The following CSNK2A2IP variants were observed in gnomAD, a reference collection of about 807,000 sequenced individuals.
CSNK2A2IP encodes the protein casein kinase II subunit alpha'-interacting protein.
At chr3:88,428,619 T>G in the CSNK2A2IP span, among the ~76,000 whole-genome samples, 1 of 152,164 alleles carries the variant, frequency 6.6e-6, no homozygotes, top group South Asian at 2.1e-4. Flanking sequence ...TGATATCTAT[T>G]GGTAGGCCAT....
chr3:88,431,526 G>T, the CSNK2A2IP span, among the ~76,000 whole-genome samples: 1 of 152,028 alleles, frequency 6.6e-6, no homozygotes. Context: ...CAGCTGATGG[G>T]TGCACCAAAA....
chr3:88,437,648 T>C, the CSNK2A2IP span, among the ~76,000 whole-genome samples: 1 of 152,192 alleles, frequency 6.6e-6, no homozygotes, highest in Non-Finnish European at 1.5e-5. Context: ...TGAGAAATAC[T>C]AATTAAAAAA....
chr3:88,442,225 T>A, the CSNK2A2IP span, among the ~76,000 whole-genome samples: 2,560 of 152,206 alleles, frequency 0.017, 66 homozygotes, highest in African/African-American at 0.059. Context: ...TTCTTTTTAG[T>A]GACAGGGTCT....
At chr3:88,408,519 T>G in the CSNK2A2IP span, among the ~76,000 whole-genome samples, 1 of 152,056 alleles carries the variant, frequency 6.6e-6, no homozygotes, top group Non-Finnish European at 1.5e-5. Flanking sequence ...AAACTTGAAG[T>G]AGGCTTGACA....
the CSNK2A2IP span, among the ~76,000 whole-genome samples, chr3:88,418,054 G>T: frequency 6.6e-6 from 1 of 152,172 alleles, no homozygotes; most frequent in African/African-American, 2.4e-5. Flanking sequence ...ATGTGATTAT[G>T]TCTGAACATT....
At chr3:88,352,603 G>A in the CSNK2A2IP span, among the ~76,000 whole-genome samples, 1 of 151,784 alleles carries the variant, frequency 6.6e-6, no homozygotes, top group African/African-American at 2.4e-5. Flanking sequence ...TATTGAGATA[G>A]GGTCTCGCTC....
chr3:88,366,227 T>C, the CSNK2A2IP span, among the ~76,000 whole-genome samples: 1 of 152,158 alleles, frequency 6.6e-6, no homozygotes, highest in Non-Finnish European at 1.5e-5. Context: ...TTTTCATTTG[T>C]GGCCAGTTCC....
the CSNK2A2IP span, among the ~76,000 whole-genome samples, chr3:88,343,738 C>A: frequency 4.0e-5 from 6 of 151,870 alleles, no homozygotes; most frequent in Non-Finnish European, 8.8e-5. Flanking sequence ...ACACAAAAAT[C>A]TGTATGTCTT....
chr3:88,392,383 A>G, the CSNK2A2IP span, among the ~76,000 whole-genome samples: 2 of 151,746 alleles, frequency 1.3e-5, no homozygotes, highest in African/African-American at 4.9e-5. Flanking sequence ...AAGGAATTAG[A>G]TATCTATAGG....
At chr3:88,373,799 A>T in the CSNK2A2IP span, among the ~76,000 whole-genome samples, 2 of 151,536 alleles carry the variant, frequency 1.3e-5, no homozygotes, top group Non-Finnish European at 3.0e-5. Flanking sequence ...AAAATAAAAG[A>T]TGAGCTATCA....
the CSNK2A2IP span, among the ~76,000 whole-genome samples, chr3:88,398,477 A>T: frequency 6.6e-6 from 1 of 152,136 alleles, no homozygotes. Flanking sequence ...AAATCCACAC[A>T]CCAGTTAGAT....
the CSNK2A2IP span, among the ~76,000 whole-genome samples, chr3:88,423,615 G>A: frequency 6.6e-6 from 1 of 152,236 alleles, no homozygotes; most frequent in South Asian, 2.1e-4. Context: ...AAGAAAACCT[G>A]ATCAAGTTTC....
chr3:88,432,113 T>A, the CSNK2A2IP span, among the ~76,000 whole-genome samples: 1 of 152,022 alleles, frequency 6.6e-6, no homozygotes. Context: ...TTCATTTTTA[T>A]GAGATTCCTT....
the CSNK2A2IP span, among the ~76,000 whole-genome samples, chr3:88,427,180 T>G: frequency 6.8e-6 from 1 of 146,814 alleles, no homozygotes; most frequent in African/African-American, 2.7e-5. Flanking sequence ...AAGAACTTGT[T>G]GGAAACTGGA....
At chr3:88,382,091 T>C in the CSNK2A2IP span, among the ~76,000 whole-genome samples, 1 of 152,246 alleles carries the variant, frequency 6.6e-6, no homozygotes, top group African/African-American at 2.4e-5. Context: ...CCAATTTTCC[T>C]GCAGCATGAA....
At chr3:88,464,230 G>C in the CSNK2A2IP span, among the ~76,000 whole-genome samples, 4 of 151,420 alleles carry the variant, frequency 2.6e-5, no homozygotes, top group African/African-American at 9.7e-5. Context: ...GAGTTAATGG[G>C]TGCAGCACAC....
chr3:88,378,164 A>G, the CSNK2A2IP span, among the ~76,000 whole-genome samples: 1 of 151,956 alleles, frequency 6.6e-6, no homozygotes, highest in Non-Finnish European at 1.5e-5. Context: ...TTTAACTTAC[A>G]TATGTAACTT....
the CSNK2A2IP span, among the ~76,000 whole-genome samples, chr3:88,354,995 C>G: frequency 6.6e-6 from 1 of 152,002 alleles, no homozygotes; most frequent in African/African-American, 2.4e-5. Flanking sequence ...AGATAGGAAC[C>G]AAGAACCTTG....
chr3:88,442,749 A>G, the CSNK2A2IP span, among the ~76,000 whole-genome samples: 6 of 152,000 alleles, frequency 3.9e-5, no homozygotes, highest in African/African-American at 1.4e-4. Flanking sequence ...ATTTTGGTCT[A>G]GCTAATCTAG....
Sources: allele counts gnomAD v4.1 joint callset (sites outside exome capture counted in the v4.1 genomes callset), GRCh38; gene constraint gnomAD v4.1.1; transcripts MANE v1.5; gene names NCBI Gene and HGNC (gene_info 2026-07-23, HGNC 2026-07-21).